The following MECOM variants were observed in gnomAD, a reference collection of about 807,000 sequenced individuals.
MECOM encodes the protein histone-lysine N-methyltransferase MECOM.
Under a neutral mutation model 116.3 loss-of-function variants are expected in MECOM, and 13 were observed. The observed-to-expected ratio is 0.11, with a 90% confidence interval of 0.07 to 0.18. MECOM has a LOEUF of 0.18. Among genes scored for constraint, MECOM ranks in the 10% least tolerant of loss-of-function variants. The probability of loss-of-function intolerance (pLI) is 1.00; values close to 1 mark genes in which losing one functional copy is unlikely to be tolerated. For synonymous variants in MECOM, 528 were observed against 535.2 expected (o/e 0.99, Z 0.19); for missense variants, 1,299 against 1,509.0 (o/e 0.86, Z 2.31).
chr3:169,502,223 C>G (rs1403952162), intron 1 of MECOM, among the ~76,000 whole-genome samples: 1 of 152,100 alleles, frequency 6.6e-6, no homozygotes, highest in Non-Finnish European at 1.5e-5. Context: ...AGCTGGCAGC[C>G]TTGCCAAATT....
intron 7 of MECOM, chr3:169,120,808 A>C (rs1730773393): frequency 3.1e-6 from 1 of 319,906 alleles, no homozygotes; most frequent in Non-Finnish European, 5.7e-6. Context: ...TTGATTATCT[A>C]ATGAATTTTC....
chr3:169,364,225 C>G (rs568669875), intron 2 of MECOM, among the ~76,000 whole-genome samples: 26 of 151,876 alleles, frequency 1.7e-4, no homozygotes, highest in Non-Finnish European at 3.4e-4. Flanking sequence ...TAAAAATACC[C>G]TTTAAAACAC....
chr3:169,498,416 C>A (rs1056058156), intron 1 of MECOM, among the ~76,000 whole-genome samples: 2 of 152,008 alleles, frequency 1.3e-5, no homozygotes, highest in East Asian at 3.8e-4. Context: ...TTTTCATGGA[C>A]CATAAAAGAA....
intron 1 of MECOM, among the ~76,000 whole-genome samples, chr3:169,627,590 G>T (rs1422869205): frequency 6.6e-6 from 1 of 152,198 alleles, no homozygotes; most frequent in Non-Finnish European, 1.5e-5. Context: ...AATCAGCATT[G>T]CAATCTAAAT....
At chr3:169,255,738 A>C (rs901840955) in intron 2 of MECOM, among the ~76,000 whole-genome samples, 19 of 152,158 alleles carry the variant, frequency 1.2e-4, no homozygotes, top group African/African-American at 4.1e-4. Flanking sequence ...TGTGGCTTAA[A>C]CATAAATTCT....
intron 2 of MECOM, among the ~76,000 whole-genome samples, chr3:169,366,066 C>T (rs1729110533): frequency 6.6e-6 from 1 of 152,050 alleles, no homozygotes; most frequent in Admixed American, 6.6e-5. Context: ...CCTTCTCTTG[C>T]TCTCTGGTTC....
At chr3:169,472,646 AG>A (rs1749697065) in intron 1 of MECOM, among the ~76,000 whole-genome samples, 1 of 94,968 alleles carries the variant, frequency 1.1e-5, no homozygotes, top group East Asian at 2.4e-4. Context: ...AGGAAAGGAA[AG>A]GAAAAGAAAA....
At chr3:169,565,856 GC>G in intron 1 of MECOM, 1 of 377,618 alleles carries the variant, frequency 2.6e-6, no homozygotes, top group Non-Finnish European at 5.1e-6. Context: ...AGGTTTGGCA[GC>G]CCCTAGCATG....
Position 169,093,069 on chromosome 3 carries a change from T to G in MECOM, c.3053A>C (p.Glu1018Ala). The change falls in exon 14 of 17, where the codon GAA (glutamate) becomes GCA (alanine). Residue 1018 changes from glutamate to alanine, a missense_variant. Glu to Ala is a moderately radical substitution (Grantham distance 107). This residue lies in a region of MECOM where 273 missense variants were observed against 289.3 expected (regional missense o/e 0.94). Coordinates refer to ENST00000651503, the MANE Select transcript of MECOM (RefSeq NM_004991.4). Reference sequence around the variant, plus strand: ...GTCATCCAGAATCGCACCTGTACTTTCCAGTTCAGAATGAGGCGACGATGT... The same window carrying G: ...GTCATCCAGAATCGCACCTGTACTTGCCAGTTCAGAATGAGGCGACGATGT... The part of the protein sequence containing the change: ...TATSSPHSEL[E>A]STGAILDDKE... 6.2e-7 allele frequency: 1 copy of G among 1,613,220 alleles called. No homozygotes were observed. The highest frequency in any genetic ancestry group is 8.5e-7 in the Non-Finnish European group (1 of 1,179,600).
At chr3:169,102,326 C>T in intron 10 of MECOM, 100 bp from the exon 11 acceptor site, 1 of 1,095,296 alleles carries the variant, frequency 9.1e-7, no homozygotes, top group Non-Finnish European at 1.3e-6. Flanking sequence ...AGCATGAAAT[C>T]TGCGACGGGT....
intron 2 of MECOM, among the ~76,000 whole-genome samples, chr3:169,342,046 C>T (rs921083944): frequency 7.2e-5 from 11 of 151,940 alleles, no homozygotes; most frequent in Admixed American, 2.0e-4. Context: ...TTTCACCACT[C>T]AAAATAGCAT....
chr3:169,438,471 C>T (rs1010757877), intron 1 of MECOM, among the ~76,000 whole-genome samples: 6 of 152,142 alleles, frequency 3.9e-5, no homozygotes, highest in Non-Finnish European at 4.4e-5. Flanking sequence ...TGCTATCAAT[C>T]GAGTTAGCAC....
chr3:169,421,649 G>C (rs1354946255), intron 1 of MECOM, among the ~76,000 whole-genome samples: 2 of 151,462 alleles, frequency 1.3e-5, no homozygotes, highest in African/African-American at 4.9e-5. Flanking sequence ...CATTTTCTGT[G>C]GTTGGCAAAC....
chr3:169,219,491 A>C (rs1026768522), intron 2 of MECOM, among the ~76,000 whole-genome samples: 3 of 152,222 alleles, frequency 2.0e-5, no homozygotes, highest in Admixed American at 2.0e-4. Flanking sequence ...TGGGCGACAG[A>C]GCGAGACTCC....
chr3:169,159,698 T>G (rs773961667), intron 2 of MECOM, among the ~76,000 whole-genome samples: 4 of 152,168 alleles, frequency 2.6e-5, no homozygotes, highest in South Asian at 2.1e-4. Context: ...CTTGGAGAGA[T>G]AGCATAAATC....
chr3:169,589,568 C>T (rs1441580602), intron 1 of MECOM, among the ~76,000 whole-genome samples: 1 of 152,022 alleles, frequency 6.6e-6, no homozygotes, highest in Non-Finnish European at 1.5e-5. Context: ...TCTAATGACC[C>T]CTCAGCTCTG....
chr3:169,444,365 G>A lies in MECOM; in HGVS notation c.38-62841C>T, dbSNP rs62294345. Among the ~76,000 whole-genome samples the A allele has an allele frequency of 3.5e-4, 53 of 152,200 alleles. No homozygotes were observed. The East Asian group carries it at 5.6e-3, about 16-fold the overall frequency. On this transcript the variant is annotated intron_variant, in intron 1 of 16. Coordinates refer to ENST00000651503, the MANE Select transcript of MECOM (RefSeq NM_004991.4). ...GAATTCTATCTCCCAGAATTCCCAC[G>A]CATTGTCCGAGAAACCCATGGGGAG...
intron 10 of MECOM, among the ~76,000 whole-genome samples, chr3:169,107,657 C>T (rs748035984): frequency 2.6e-5 from 4 of 152,106 alleles, no homozygotes; most frequent in Non-Finnish European, 5.9e-5. Context: ...CCCAGGTGTC[C>T]AGAAAGAGCT....
At chr3:169,259,255 G>A (rs1217069504) in intron 2 of MECOM, among the ~76,000 whole-genome samples, 3 of 152,094 alleles carry the variant, frequency 2.0e-5, no homozygotes, top group Admixed American at 6.5e-5. Context: ...CCTAACAGCT[G>A]CCACTTTACA....
Sources: gnomAD v4.1 joint callset for allele counts (sites outside exome capture counted in the v4.1 genomes callset) on GRCh38, gnomAD v4.1.1 for gene constraint, gnomAD v4.1.1 regional missense constraint, MANE v1.5 for transcripts, NCBI Gene and HGNC (gene_info 2026-07-23, HGNC 2026-07-21) for gene names.